NBN: variants seen among roughly 807,000 people sequenced by gnomAD.
The protein encoded by NBN is nibrin, also known as Nijmegen breakage syndrome 1 (nibrin).
Under a neutral mutation model 90.8 loss-of-function variants are expected in NBN, and 88 were observed. The observed-to-expected ratio is 0.97, with a 90% confidence interval of 0.82 to 1.16. The LOEUF is 1.16. Ranked by LOEUF, NBN falls within the 50% of genes most tolerant of loss-of-function variation. NBN has a pLI of 0.00. For missense variants in NBN, 894 were observed against 869.6 expected, an observed-to-expected ratio of 1.03 and a Z score of -0.35; for synonymous variants, 328 against 295.1, an observed-to-expected ratio of 1.11 and a Z score of -1.14.
rs1323512485 is a variant in NBN, at chr8:89,946,135, C to G, written c.2070+5G>C. ...GACCTCTTGTGATACAGTTGAAATA[C>G]CTACCTTTTTGAATTTCTTGAAATT... On this transcript the variant is annotated splice_donor_5th_base_variant and intron_variant, in intron 13 of 15. Transcript: ENST00000265433. 1 of 1,561,718 alleles carries G rather than the reference C, an allele frequency of 6.4e-7. No homozygotes were observed. Among genetic ancestry groups the G allele is most frequent in the Non-Finnish European group, 8.8e-7 (1 of 1,134,612 alleles).
At chr8:89,952,220 T>A (rs1408289059) in intron 11 of NBN, among the ~76,000 whole-genome samples, 2 of 152,200 alleles carry the variant, frequency 1.3e-5, no homozygotes, top group African/African-American at 4.8e-5. Context: ...TTAGAATTTT[T>A]AAAAATATCA....
In NBN at chr8:89,969,669, C is replaced by T. The variant is rs1308844531; in HGVS notation, c.896+695G>A. On this transcript the variant is annotated intron_variant, in intron 7 of 15. Coordinates refer to ENST00000265433, the MANE Select transcript of NBN (RefSeq NM_002485.5). The stretch of plus-strand genomic sequence containing the variant: ...TAAAACCTTTTATTAATTCTTGTAT[C>T]GGCCGGGCGCAGTAGCTCACGCCTG... Among the ~76,000 whole-genome samples the T allele has an allele frequency of 2.6e-5, 4 of 152,046 alleles. No homozygotes were observed. In the South Asian group the frequency reaches 6.2e-4, roughly 24 times the overall value.
chr8:89,943,366 C>T lies in NBN; in HGVS notation c.2071G>A (p.Val691Ile), dbSNP rs772059959. ...QLKNFKKFKKVTYPGAGKLPH... is the reference protein window; with the variant it reads ...QLKNFKKFKKITYPGAGKLPH... ...AGTTTTCCTGCTCCAGGATATGTGA[C>T]CTATTGAATAATAAAAGTAGTACAG... Residue 691 changes from valine to isoleucine, a missense_variant and splice_region_variant, in exon 14 of 16, where the codon GTC (valine) becomes ATC (isoleucine). Val to Ile is a conservative substitution (Grantham distance 29). Transcript: ENST00000265433. The T allele has an allele frequency of 1.2e-6, 2 of 1,600,352 alleles. No homozygotes were observed. The highest frequency in any genetic ancestry group is 1.7e-6 in the Non-Finnish European group (2 of 1,167,938).
rs182522126 is a variant in NBN at position 89,957,162 on chromosome 8, G to A, written c.1124+1563C>T. On this transcript the variant is annotated intron_variant, in intron 9 of 15. Coordinates refer to ENST00000265433, the MANE Select transcript of NBN (RefSeq NM_002485.5). ...CCCTTCAGGAGGGATTCCAGAAGAT[G>A]ACATTATTATCATAGGAGATGACAG... Among the ~76,000 whole-genome samples, 328 of 152,294 alleles carry A rather than the reference G, an allele frequency of 2.2e-3. 1 individual carries two copies. Among genetic ancestry groups the A allele is most frequent in the Non-Finnish European group, 3.0e-3 (205 of 68,018 alleles).
At chr8:89,941,042 G>A (rs1321755222) in intron 14 of NBN, among the ~76,000 whole-genome samples, 3 of 152,112 alleles carry the variant, frequency 2.0e-5, no homozygotes, top group South Asian at 2.1e-4. Flanking sequence ...CAGTGAAAGA[G>A]CCTAAGAAAA....
At chr8:89,981,873 T>C (rs1008337102) in intron 2 of NBN, 5 of 693,666 alleles carry the variant, frequency 7.2e-6, no homozygotes, top group African/African-American at 1.9e-5. Flanking sequence ...CTTTTTTTGT[T>C]TGTTTTACAG....
chr8:89,940,942 A>G (rs890769247), intron 14 of NBN, among the ~76,000 whole-genome samples: 3 of 152,206 alleles, frequency 2.0e-5, no homozygotes, highest in African/African-American at 7.2e-5. Flanking sequence ...CATTCTGCAC[A>G]GATGGAAGCA....
rs201781110 is a variant in NBN at position 89,946,231 on chromosome 8, C to T, written c.1979G>A (p.Arg660Lys). ...AGTAGAGTTTTTAATCACCAGTGAT[C>T]TAAATTCAGTCAATAACAGCTTTTT... ...LPKKLLLTEFRSLVIKNSTSR... is the reference protein window; with the variant it reads ...LPKKLLLTEFKSLVIKNSTSR... The change falls in exon 13 of 16, where the codon AGA becomes AAA. Residue 660 changes from arginine to lysine, a missense_variant. Arg to Lys is a conservative substitution (Grantham distance 26). Transcript: ENST00000265433. 3 of 1,591,830 alleles carry T rather than the reference C, an allele frequency of 1.9e-6. No homozygotes were observed. The highest frequency in any genetic ancestry group is 2.6e-6 in the Non-Finnish European group (3 of 1,160,120).
chr8:89,954,317 C>T (rs184975810), intron 10 of NBN, among the ~76,000 whole-genome samples: 1 of 152,210 alleles, frequency 6.6e-6, no homozygotes, highest in East Asian at 1.9e-4. Flanking sequence ...TGAACAAGAA[C>T]AGTCAACCCA....
intron 7 of NBN, among the ~76,000 whole-genome samples, chr8:89,968,202 T>G (rs1473530974): frequency 6.6e-6 from 1 of 152,082 alleles, no homozygotes; most frequent in Admixed American, 6.6e-5. Context: ...GAGGCTGCAG[T>G]GAGCCAAGAT....
intron 11 of NBN, among the ~76,000 whole-genome samples, chr8:89,949,948 A>G (rs764859861): frequency 6.6e-6 from 1 of 152,186 alleles, no homozygotes; most frequent in Non-Finnish European, 1.5e-5. Context: ...ATAATTTAAA[A>G]CAACCCCACA....
At chr8:89,936,032 T>C (rs1006571068) in intron 15 of NBN, 6 of 371,414 alleles carry the variant, frequency 1.6e-5, no homozygotes, top group Non-Finnish European at 3.1e-5. Context: ...TAAACAAATA[T>C]GGCTGAACAA....
chr8:89,952,332 T>C (rs1051457428), intron 11 of NBN, among the ~76,000 whole-genome samples: 17 of 152,162 alleles, frequency 1.1e-4, no homozygotes, highest in African/African-American at 3.9e-4. Flanking sequence ...ATCTATATTT[T>C]AGAAAAGCTT....
At chr8:89,964,584 C>T (rs1168847467) in intron 7 of NBN, 77 bp from the exon 8 acceptor site, 1 of 1,411,382 alleles carries the variant, frequency 7.1e-7, no homozygotes. Flanking sequence ...CAAGATAAAG[C>T]AACCTCTTTT....
At position 89,946,178 on chromosome 8, in the gene NBN, C is replaced by A; in HGVS notation, c.2032G>T (p.Asp678Tyr). ...TSRNPSGIND[D>Y]YGQLKNFKKF... ...TTGAAATTTTTTAGTTGACCATAAT[C>A]ATCATTTATGCCAGATGGATTTCTG... Residue 678 changes from aspartate (D) to tyrosine (Y), a missense_variant, in exon 13 of 16, where the codon GAT becomes TAT. Coordinates refer to ENST00000265433, the MANE Select transcript of NBN (RefSeq NM_002485.5). 2 of 1,601,980 alleles carry A rather than the reference C, an allele frequency of 1.2e-6. 1 individual carries two copies. The highest frequency in any genetic ancestry group is 2.2e-5 in the South Asian group (2 of 90,714).
chr8:89,978,567 T>A (rs1811887295), intron 4 of NBN, among the ~76,000 whole-genome samples: 1 of 152,232 alleles, frequency 6.6e-6, no homozygotes, highest in African/African-American at 2.4e-5. Context: ...CCGATTATAA[T>A]ACTAATTTTT....
intron 10 of NBN, 39 bp downstream of exon 10, chr8:89,955,244 T>A: frequency 6.3e-7 from 1 of 1,598,880 alleles, no homozygotes; most frequent in African/African-American, 1.3e-5. Context: ...AACTTTCATT[T>A]TTTTTTCAGA....
chr8:89,950,285 A>AGTCCCTG, intron 11 of NBN, among the ~76,000 whole-genome samples: 1 of 152,324 alleles, frequency 6.6e-6, no homozygotes, highest in East Asian at 1.9e-4. Flanking sequence ...CTGATAAAAA[A>AGTCCCTG]AAGCATAAAT....
rs1190559133 is a variant in NBN at position 89,974,271 on chromosome 8, T to TG, written c.585-2982dup. Among the ~76,000 whole-genome samples the TG allele has an allele frequency of 1.5e-3, 227 of 149,878 alleles. 3 individuals carry two copies. The highest frequency in any genetic ancestry group is 7.9e-3 in the East Asian group (40 of 5,056). ...TATGGCTTTTTTTTTTTTTTTTTTTTGGTGATCTTGAAAAGGCTAGACTAC... is the reference window on the plus strand; with the variant it reads ...TATGGCTTTTTTTTTTTTTTTTTTTTGGGTGATCTTGAAAAGGCTAGACTAC... On this transcript the variant is annotated intron_variant, in intron 5 of 15. Transcript: ENST00000265433.
Sources: allele counts gnomAD v4.1 joint callset (sites outside exome capture counted in the v4.1 genomes callset), GRCh38; gene constraint gnomAD v4.1.1; transcripts MANE v1.5; gene names NCBI Gene and HGNC (gene_info 2026-07-23, HGNC 2026-07-21).